The following MIOS variants were observed in gnomAD, a reference collection of about 807,000 sequenced individuals.
The protein encoded by MIOS is meiosis regulator for oocyte development.
A neutral mutation model predicts 96.9 loss-of-function variants in MIOS; 52 were observed. That is an observed-to-expected ratio of 0.54 (90% CI 0.43 to 0.68). The LOEUF (loss-of-function observed/expected upper bound fraction) is 0.68. Ranked by LOEUF, MIOS falls within the 30% of genes least tolerant of loss-of-function variation. MIOS has a pLI of 0.00. For missense variants in MIOS, 1,005 were observed against 1,052.8 expected (o/e 0.95, Z 0.63); for synonymous variants, 397 against 359.5 (o/e 1.10, Z -1.18).
At chr7:7,601,201 A>C (rs1784367225) in intron 11 of MIOS, among the ~76,000 whole-genome samples, 1 of 152,226 alleles carries the variant, frequency 6.6e-6, no homozygotes, top group African/African-American at 2.4e-5. Context: ...AGCAAAAGGC[A>C]AGAAATAACT....
At chr7:7,591,480 A>G (rs898432210) in intron 9 of MIOS, among the ~76,000 whole-genome samples, 1 of 151,642 alleles carries the variant, frequency 6.6e-6, no homozygotes, top group Non-Finnish European at 1.5e-5. Flanking sequence ...GGGTTTCACC[A>G]TGTTGCCCAG....
chr7:7,579,970 C>T (rs912725235), intron 5 of MIOS, among the ~76,000 whole-genome samples: 1 of 152,124 alleles, frequency 6.6e-6, no homozygotes, highest in Non-Finnish European at 1.5e-5. Flanking sequence ...AAAATAAAAA[C>T]TCTTTGAGAA....
At chr7:7,581,597 A>G (rs1019430406) in intron 5 of MIOS, 1 of 152,164 alleles carries the variant, frequency 6.6e-6, no homozygotes, top group African/African-American at 2.4e-5. Flanking sequence ...TTCCAAGTTC[A>G]TGGAGTTGTT....
rs1267516840 is a variant in MIOS at position 7,573,265 on chromosome 7, A to G, written c.790A>G (p.Thr264Ala). The G allele has an allele frequency of 2.5e-6, 4 of 1,614,106 alleles. No homozygotes were observed. The highest frequency in any genetic ancestry group is 3.4e-6 in the Non-Finnish European group (4 of 1,179,976). ...RKFEKPVLTLTEQPKPLTKVA... is the reference protein window; with the variant it reads ...RKFEKPVLTLAEQPKPLTKVA... ...ATTTGAGAAGCCAGTTTTGACATTG[A>G]CTGAGCAACCAAAACCCTTAACAAA... Residue 264 changes from threonine to alanine, a missense_variant, in exon 4 of 13, where the codon ACT becomes GCT. This residue lies in a region of MIOS where 865 missense variants were observed against 887.9 expected (regional missense o/e 0.97). Coordinates refer to ENST00000340080, the MANE Select transcript of MIOS (RefSeq NM_019005.4). This position sits in a 1 kb window ranked among gnomAD's most constrained non-coding sequence, Gnocchi z 5.0.
chr7:7,588,765 T>C (rs1783963281), intron 8 of MIOS, among the ~76,000 whole-genome samples: 1 of 152,168 alleles, frequency 6.6e-6, no homozygotes, highest in African/African-American at 2.4e-5. Flanking sequence ...GACAATATTT[T>C]AGTATATTTC....
At chr7:7,580,543 A>G (rs1185581804) in intron 5 of MIOS, among the ~76,000 whole-genome samples, 2 of 152,222 alleles carry the variant, frequency 1.3e-5, no homozygotes, top group Non-Finnish European at 2.9e-5. Context: ...AAACTTTTTC[A>G]TAAAGCAATC....
At chr7:7,575,065 A>G (rs112332351) in intron 5 of MIOS, among the ~76,000 whole-genome samples, 5 of 152,040 alleles carry the variant, frequency 3.3e-5, no homozygotes, top group African/African-American at 1.2e-4. Context: ...TTCAGTTTTC[A>G]GATTTGGGAT....
At chr7:7,567,244 C>T (rs1450537569) in intron 1 of MIOS, 172 bp downstream of exon 1, 1 of 152,292 alleles carries the variant, frequency 6.6e-6, no homozygotes, top group African/African-American at 2.4e-5. Flanking sequence ...CAGCGGGAGC[C>T]ACCGGGGGCT....
chr7:7,604,179 C>T (rs549179303), intron 11 of MIOS, among the ~76,000 whole-genome samples: 2 of 152,036 alleles, frequency 1.3e-5, no homozygotes, highest in East Asian at 1.9e-4. Flanking sequence ...CAAACCTGCA[C>T]GTTGTGCACA....
chr7:7,584,531 A>G (rs1282506442), intron 6 of MIOS, among the ~76,000 whole-genome samples: 2 of 152,188 alleles, frequency 1.3e-5, no homozygotes, highest in African/African-American at 4.8e-5. Flanking sequence ...ATCCAAAGAT[A>G]CTTCTTTGCT....
intron 7 of MIOS, among the ~76,000 whole-genome samples, chr7:7,586,396 C>G (rs1783888691): frequency 6.6e-6 from 1 of 152,088 alleles, no homozygotes; most frequent in Non-Finnish European, 1.5e-5. Context: ...CAAATAGGTT[C>G]TTTATCACAA....
chr7:7,599,883 TG>T (rs1258030486), intron 11 of MIOS, among the ~76,000 whole-genome samples: 3 of 152,166 alleles, frequency 2.0e-5, no homozygotes, highest in Non-Finnish European at 4.4e-5. Context: ...TGCAGCAGCA[TG>T]GATAGAGCTG....
At chr7:7,593,362 T>G (rs1784104111) in intron 9 of MIOS, among the ~76,000 whole-genome samples, 1 of 152,194 alleles carries the variant, frequency 6.6e-6, no homozygotes, top group African/African-American at 2.4e-5. Flanking sequence ...GCTTCAGTTT[T>G]TGATTGGATG....
rs796559003 is a variant in MIOS, at chr7:7,588,770, T to A, written c.1884+207T>A. The stretch of plus-strand genomic sequence containing the variant: ...TTAGAATACTGACAATATTTTAGTA[T>A]ATTTCTTCTTTGGAGGGTAAGATTA... On this transcript the variant is annotated intron_variant, in intron 8 of 12. Coordinates refer to ENST00000340080, the MANE Select transcript of MIOS (RefSeq NM_019005.4). Among the ~76,000 whole-genome samples, 13 of 152,308 alleles carry A rather than the reference T, an allele frequency of 8.5e-5. 1 individual carries two copies. The highest frequency in any genetic ancestry group is 2.9e-4 in the African/African-American group (12 of 41,582).
intron 11 of MIOS, among the ~76,000 whole-genome samples, chr7:7,603,394 G>T (rs1784434499): frequency 6.6e-6 from 1 of 152,078 alleles, no homozygotes. Context: ...ATCAAAAACT[G>T]GGCAAAGGAT....
rs1784227952 is a variant in MIOS at position 7,597,198 on chromosome 7, C to T, written c.2401+737C>T. ...AAAATTAGCCGGGCGTGGTGGCACA[C>T]ACCTGTAGTCCCAGCTGCTTGGGAG... On this transcript the variant is annotated intron_variant, in intron 11 of 12. Coordinates refer to ENST00000340080, the MANE Select transcript of MIOS (RefSeq NM_019005.4). 4.0e-5 allele frequency among the ~76,000 whole-genome samples: 6 copies of T among 151,630 alleles called. No homozygotes were observed. The South Asian group carries it at 1.2e-3, about 32-fold the overall frequency.
chr7:7,575,813 G>C (rs575493991), intron 5 of MIOS, among the ~76,000 whole-genome samples: 1 of 151,872 alleles, frequency 6.6e-6, no homozygotes, highest in African/African-American at 2.4e-5. Context: ...TCTCTACCCA[G>C]ACTAAAGAAA....
intron 5 of MIOS, among the ~76,000 whole-genome samples, chr7:7,574,653 C>T (rs1478443567): frequency 1.3e-5 from 2 of 151,988 alleles, no homozygotes; most frequent in Non-Finnish European, 2.9e-5. Flanking sequence ...TGAAATATGG[C>T]CTAACGTGGA....
intron 11 of MIOS, among the ~76,000 whole-genome samples, chr7:7,604,791 G>A (rs1052312735): frequency 6.6e-6 from 1 of 152,112 alleles, no homozygotes; most frequent in Non-Finnish European, 1.5e-5. Flanking sequence ...GCCTTGTTCT[G>A]ATTCAGTCTG....
Sources: allele counts gnomAD v4.1 joint callset (sites outside exome capture counted in the v4.1 genomes callset), GRCh38; gene constraint gnomAD v4.1.1; regional missense constraint gnomAD v4.1.1; non-coding constraint Gnocchi (gnomAD v3.1); transcripts MANE v1.5; gene names NCBI Gene and HGNC (gene_info 2026-07-23, HGNC 2026-07-21).